GRID1: variants seen among roughly 807,000 people sequenced by gnomAD.
GRID1 encodes the protein glutamate receptor ionotropic, delta-1.
Under a neutral mutation model 98.0 loss-of-function variants are expected in GRID1, and 28 were observed. The observed-to-expected ratio is 0.29, with a 90% CI of 0.21 to 0.39. The LOEUF is 0.39. Ranked by LOEUF, GRID1 falls within the 10% of genes least tolerant of loss-of-function variation. The pLI, the probability that GRID1 is intolerant of heterozygous loss-of-function variation, is 1.00. For synonymous variants in GRID1, 553 were observed against 538.5 expected, an observed-to-expected ratio of 1.03 and a Z score of -0.37; for missense variants, 1,111 against 1,340.5, an observed-to-expected ratio of 0.83 and a Z score of 2.67.
At chr10:85,664,524 G>C (rs1256193512) in intron 12 of GRID1, among the ~76,000 whole-genome samples, 4 of 152,086 alleles carry the variant, frequency 2.6e-5, no homozygotes, top group African/African-American at 9.7e-5. Flanking sequence ...TTATTATCCT[G>C]CATGGTTTGA....
At chr10:85,847,039 G>A (rs1256810017) in intron 8 of GRID1, among the ~76,000 whole-genome samples, 1 of 152,168 alleles carries the variant, frequency 6.6e-6, no homozygotes, top group South Asian at 2.1e-4. Flanking sequence ...ACAAGCATCT[G>A]AGAGAGAAAT....
At chr10:85,921,016 C>T (rs867753797) in intron 4 of GRID1, among the ~76,000 whole-genome samples, 2 of 152,236 alleles carry the variant, frequency 1.3e-5, no homozygotes, top group Non-Finnish European at 2.9e-5. Flanking sequence ...CTGCCTGGCT[C>T]CTGTGGCCAT....
intron 8 of GRID1, among the ~76,000 whole-genome samples, chr10:85,759,408 C>T (rs977741188): frequency 1.4e-4 from 21 of 152,166 alleles, no homozygotes; most frequent in Non-Finnish European, 5.9e-5. Flanking sequence ...TGGAGCCCCA[C>T]TCAAGCTGAT....
intron 15 of GRID1, among the ~76,000 whole-genome samples, chr10:85,604,389 T>C (rs184310700): frequency 2.6e-4 from 40 of 152,258 alleles, no homozygotes; most frequent in African/African-American, 8.9e-4. Flanking sequence ...GAGGATGCTA[T>C]GGGATGTGGC....
intron 8 of GRID1, among the ~76,000 whole-genome samples, chr10:85,786,663 G>T (rs992221216): frequency 3.9e-5 from 6 of 152,052 alleles, no homozygotes; most frequent in African/African-American, 1.4e-4. Context: ...TTAGATAAGC[G>T]GCACTAAAAT....
intron 2 of GRID1, among the ~76,000 whole-genome samples, chr10:86,295,411 A>G (rs1847573983): frequency 6.6e-6 from 1 of 152,192 alleles, no homozygotes; most frequent in South Asian, 2.1e-4. Flanking sequence ...GCAGGTCAGC[A>G]GTGAGCCCGA....
At chr10:86,058,240 C>T (rs1463146000) in intron 4 of GRID1, among the ~76,000 whole-genome samples, 1 of 152,118 alleles carries the variant, frequency 6.6e-6, no homozygotes, top group Non-Finnish European at 1.5e-5. Flanking sequence ...CACTTGTGTG[C>T]AGAACAGGTC....
At chr10:85,759,223 A>G (rs1285004307) in intron 8 of GRID1, among the ~76,000 whole-genome samples, 1 of 152,156 alleles carries the variant, frequency 6.6e-6, no homozygotes, top group African/African-American at 2.4e-5. Context: ...CTGCCCCTTG[A>G]GGTCACTGAG....
At chr10:85,860,097 C>G (rs1410463532) in intron 6 of GRID1, among the ~76,000 whole-genome samples, 1 of 152,204 alleles carries the variant, frequency 6.6e-6, no homozygotes, top group Non-Finnish European at 1.5e-5. Flanking sequence ...CAGGGGCCAA[C>G]AGCCCAGGCT....
intron 4 of GRID1, among the ~76,000 whole-genome samples, chr10:86,101,101 G>A (rs958136403): frequency 6.6e-6 from 1 of 152,030 alleles, no homozygotes. Context: ...CAAGTATAGA[G>A]ATCCATATGC....
intron 8 of GRID1, among the ~76,000 whole-genome samples, chr10:85,808,437 G>A (rs1038879904): frequency 2.6e-5 from 4 of 152,260 alleles, no homozygotes; most frequent in East Asian, 1.9e-4. Flanking sequence ...CCTATGACAC[G>A]TAACTAGCTT....
chr10:85,918,710 C>T (rs1217511570), intron 4 of GRID1, among the ~76,000 whole-genome samples: 1 of 152,166 alleles, frequency 6.6e-6, no homozygotes, highest in Non-Finnish European at 1.5e-5. Flanking sequence ...AGGCAGATAT[C>T]AATTCAATAT....
intron 8 of GRID1, among the ~76,000 whole-genome samples, chr10:85,779,676 T>C (rs921205829): frequency 1.3e-5 from 2 of 152,106 alleles, no homozygotes; most frequent in Admixed American, 1.3e-4. Context: ...GTGACGAGGT[T>C]AATTACATCA....
intron 4 of GRID1, among the ~76,000 whole-genome samples, chr10:86,051,808 A>G (rs1843506558): frequency 6.6e-6 from 1 of 152,256 alleles, no homozygotes; most frequent in Non-Finnish European, 1.5e-5. Flanking sequence ...AAAACTATGG[A>G]AAAACAGGCA....
chr10:86,205,800 A>T (rs1846017240), intron 3 of GRID1, among the ~76,000 whole-genome samples: 1 of 152,012 alleles, frequency 6.6e-6, no homozygotes. Context: ...GCAAATTATG[A>T]TTTTTTTTCA....
At position 85,817,685 on chromosome 10, in the gene GRID1, A is replaced by C. The variant is rs1421705025; in HGVS notation, c.1233+36811T>G. Among the ~76,000 whole-genome samples, 3 of 152,320 alleles carry C rather than the reference A, an allele frequency of 2.0e-5. No individual in the cohort carries two copies. In the East Asian group the frequency reaches 5.8e-4, roughly 29 times the overall value. On this transcript the variant is annotated intron_variant, in intron 8 of 15. Transcript: ENST00000327946. ...GAGGCAGATGGATCACGAGGTCAAG[A>C]GATCAAGACCAGCCTGGCCAACATG... is the stretch of plus-strand genomic sequence containing the variant.
At chr10:86,027,715 G>A (rs148751300) in intron 4 of GRID1, among the ~76,000 whole-genome samples, 9 of 152,284 alleles carry the variant, frequency 5.9e-5, no homozygotes, top group Admixed American at 2.6e-4. Flanking sequence ...CACAGCTGAC[G>A]GCTTCCAGTC....
intron 8 of GRID1, among the ~76,000 whole-genome samples, chr10:85,753,305 C>T (rs1388186982): frequency 6.6e-6 from 1 of 152,172 alleles, no homozygotes; most frequent in Non-Finnish European, 1.5e-5. Context: ...AGAAGCACTG[C>T]CATGTGTGGC....
intron 4 of GRID1, among the ~76,000 whole-genome samples, chr10:85,990,668 A>C (rs1417810811): frequency 6.6e-6 from 1 of 152,100 alleles, no homozygotes; most frequent in East Asian, 1.9e-4. Context: ...GTCCCCTGCA[A>C]GTGGAGAGAG....
Sources: allele counts gnomAD v4.1 joint callset (sites outside exome capture counted in the v4.1 genomes callset), GRCh38; gene constraint gnomAD v4.1.1; transcripts MANE v1.5; gene names NCBI Gene and HGNC (gene_info 2026-07-23, HGNC 2026-07-21).